Variants in STON2 observed in about 807,000 individuals in gnomAD.
The protein encoded by STON2 is stonin 2.
In STON2, 29 loss-of-function variants were observed where a neutral mutation model predicts 65.7. The observed-to-expected ratio is 0.44, with a 90% CI of 0.33 to 0.60. The LOEUF (loss-of-function observed/expected upper bound fraction) is 0.60, where lower values mean the gene tolerates loss of function less well. Ranked by LOEUF, STON2 falls within the 20% of genes least tolerant of loss-of-function variation. STON2 has a pLI of 0.03. For synonymous variants in STON2, 404 were observed against 414.2 expected (o/e 0.98, Z 0.30); for missense variants, 1,054 against 1,118.1 (o/e 0.94, Z 0.82).
intron 4 of STON2, among the ~76,000 whole-genome samples, chr14:81,333,934 G>A (rs114214225): frequency 0.013 from 1,939 of 152,202 alleles, 38 homozygotes; most frequent in African/African-American, 0.044. Flanking sequence ...TTCTGAAACC[G>A]CCTCCATTTC....
intron 3 of STON2, among the ~76,000 whole-genome samples, chr14:81,382,723 T>C (rs2140399725): frequency 6.6e-6 from 1 of 152,294 alleles, no homozygotes; most frequent in African/African-American, 2.4e-5. Flanking sequence ...GTAATAAAAC[T>C]TATTAAAACC....
intron 5 of STON2, among the ~76,000 whole-genome samples, chr14:81,309,959 T>C (rs912125336): frequency 6.6e-6 from 1 of 152,196 alleles, no homozygotes; most frequent in African/African-American, 2.4e-5. Context: ...AGATCATATA[T>C]GCAGGACTCT....
chr14:81,290,085 G>C (rs1895495859), intron 5 of STON2, among the ~76,000 whole-genome samples: 1 of 152,174 alleles, frequency 6.6e-6, no homozygotes, highest in African/African-American at 2.4e-5. Context: ...CACTGCTGCA[G>C]AGCTGGTCCT....
intron 5 of STON2, among the ~76,000 whole-genome samples, chr14:81,323,134 A>G (rs1896879329): frequency 6.6e-6 from 1 of 152,254 alleles, no homozygotes; most frequent in South Asian, 2.1e-4. Context: ...GGACTAGGCC[A>G]AGAACAGAGG....
At position 81,264,545 on chromosome 14, in the gene STON2, A is replaced by G; in HGVS notation, c.*3869T>C. 2 of 984,470 alleles carry G rather than the reference A, an allele frequency of 2.0e-6. No homozygotes were observed. Among genetic ancestry groups the G allele is most frequent in the Non-Finnish European group, 2.4e-6 (2 of 829,044 alleles). The allele number at this position is 984,470 out of a possible 1,614,324, so 61.0% of individuals were successfully genotyped here. A position where few individuals can be genotyped will look rare whatever the true frequency, so the allele number is the denominator to read the frequency against. On this transcript the variant is annotated 3_prime_UTR_variant, in exon 8 of 8. Transcript: ENST00000614646. ...CTAGGTGTTGGAAACACAAAAAATT[A>G]TATATAGTCCTTGCCTTCATGGATC...
At chr14:81,343,700 A>G (rs763802760) in intron 4 of STON2, among the ~76,000 whole-genome samples, 1 of 152,192 alleles carries the variant, frequency 6.6e-6, no homozygotes, top group Non-Finnish European at 1.5e-5. Context: ...TTAAAATATA[A>G]GGCATTCTGA....
In STON2 at chr14:81,266,000, G is replaced by A. The variant is rs1595261185; in HGVS notation, c.*2414C>T. 3 of 985,386 alleles carry A rather than the reference G, an allele frequency of 3.0e-6. No homozygotes were observed. The allele number at this position is 985,386 out of a possible 1,614,324, so 61.0% of individuals were successfully genotyped here. A position where few individuals can be genotyped will look rare whatever the true frequency, so the allele number is the denominator to read the frequency against. On this transcript the variant is annotated 3_prime_UTR_variant, in exon 8 of 8. Coordinates refer to ENST00000614646, the MANE Select transcript of STON2 (RefSeq NM_001394390.1). ...ATCTCAAAAGCCTTCAGTACAACAG[G>A]GGAAGAGATATGCGTTGAAATTCCT...
chr14:81,427,380 G>A (rs1449643157), intron 1 of STON2: 1 of 152,218 alleles, frequency 6.6e-6, no homozygotes, highest in Non-Finnish European at 1.5e-5. Context: ...CTGGGCCCAG[G>A]AGCACTGTGC....
rs149449251 is a variant in STON2, at chr14:81,322,938, C to CA, written c.742+1078dup. Reference sequence around the variant, plus strand: ...ATATTCAGAGTCATCTGGCATAGGTCAAACCTTCACAGGTGTCATGGCAGT... The same window carrying CA: ...ATATTCAGAGTCATCTGGCATAGGTCAAAACCTTCACAGGTGTCATGGCAGT... On this transcript the variant is annotated intron_variant, in intron 5 of 7. Transcript: ENST00000614646. Among the ~76,000 whole-genome samples, 759 of 152,340 alleles carry CA rather than the reference C, an allele frequency of 5.0e-3. 4 individuals carry two copies. Among genetic ancestry groups the CA allele is most frequent in the African/African-American group, 0.017 (708 of 41,590 alleles).
chr14:81,349,915 T>A (rs933615546), intron 4 of STON2, among the ~76,000 whole-genome samples: 6 of 152,134 alleles, frequency 3.9e-5, no homozygotes, highest in African/African-American at 1.4e-4. Context: ...AAGGAAATCC[T>A]GTCATTTGCA....
chr14:81,275,214 T>C (rs189844434), intron 6 of STON2, among the ~76,000 whole-genome samples: 21 of 152,284 alleles, frequency 1.4e-4, no homozygotes, highest in Admixed American at 1.0e-3. Flanking sequence ...ATAGATACGT[T>C]TGTACATACT....
At chr14:81,416,513 G>A (rs1454710058) in intron 2 of STON2, among the ~76,000 whole-genome samples, 1 of 152,184 alleles carries the variant, frequency 6.6e-6, no homozygotes, top group Non-Finnish European at 1.5e-5. Context: ...TCAACACAGT[G>A]GACAACTTCA....
chr14:81,278,242 C>G lies in STON2; in HGVS notation c.1240G>C (p.Asp414His). The change falls in exon 6 of 8, where the codon GAT (aspartate) becomes CAT (histidine). Residue 414 changes from aspartate (D) to histidine (H), a missense_variant. Asp to His is a moderately conservative substitution (Grantham distance 81). Transcript: ENST00000614646. ...ISSTTGKSQR[D>H]SLIVIYQDAI... ...TCCTGGTAGATGACAATGAGGGAAT[C>G]TCTTTGGCTTTTGCCCGTGGTACTG... The G allele has an allele frequency of 6.2e-7, 1 of 1,614,140 alleles. No individual in the cohort carries two copies. The highest frequency in any genetic ancestry group is 8.5e-7 in the Non-Finnish European group (1 of 1,180,024).
At position 81,270,417 on chromosome 14, in the gene STON2, T is replaced by C. The variant is rs535859254; in HGVS notation, c.2784+253A>G. ...TTCTTTTTGTTGTCATTGCTCATAA[T>C]GACAGAAAGACATTATATTCTCCTC... is the stretch of plus-strand genomic sequence containing the variant. On this transcript the variant is annotated intron_variant, in intron 7 of 7. Coordinates refer to ENST00000614646, the MANE Select transcript of STON2 (RefSeq NM_001394390.1). 5.7e-6 allele frequency: 8 copies of C among 1,409,436 alleles called. No homozygotes were observed. In the South Asian group the frequency reaches 1.0e-4, roughly 18 times the overall value. The allele number at this position is 1,409,436 out of a possible 1,614,324, so 87.3% of individuals were successfully genotyped here. A position where few individuals can be genotyped will look rare whatever the true frequency, so the allele number is the denominator to read the frequency against.
chr14:81,389,183 G>A (rs1357330486), intron 3 of STON2, among the ~76,000 whole-genome samples: 2 of 152,168 alleles, frequency 1.3e-5, no homozygotes, highest in Non-Finnish European at 2.9e-5. Context: ...ATTATATATA[G>A]GAAAGAGTCA....
upstream of STON2, among the ~76,000 whole-genome samples, chr14:81,402,709 C>T (rs1016953214): frequency 6.6e-6 from 1 of 152,184 alleles, no homozygotes; most frequent in African/African-American, 2.4e-5. Flanking sequence ...AGCTTACCCT[C>T]TCCAATCCCA....
Position 81,277,412 on chromosome 14 carries a change from G to A in STON2, c.2070C>T (p.Pro690=), listed in dbSNP as rs1391423332. The change falls in exon 6 of 8, where the codon CCC becomes CCT. Residue 690 remains proline (P), a synonymous_variant. Coordinates refer to ENST00000614646, the MANE Select transcript of STON2 (RefSeq NM_001394390.1). ...GCTTGATCCACTTTGTGGTGGTGGT[G>A]GGCATGATGTCCTGCCTCAAAACTA... ...NEIVLRQDIM[P]TTTTKWIKLH... The A allele has an allele frequency of 1.9e-6, 3 of 1,614,026 alleles. No individual in the cohort carries two copies. Among genetic ancestry groups the A allele is most frequent in the Admixed American group, 1.7e-5 (1 of 59,994 alleles).
chr14:81,273,412 GT>G (rs1421821319), intron 6 of STON2, among the ~76,000 whole-genome samples: 1 of 152,238 alleles, frequency 6.6e-6, no homozygotes, highest in Non-Finnish European at 1.5e-5. Flanking sequence ...TATTGGGACT[GT>G]TTTCCCTTCA....
At chr14:81,390,193 CAAAAAAAAAA>C (rs759154677) in intron 3 of STON2, among the ~76,000 whole-genome samples, 2 of 88,370 alleles carry the variant, frequency 2.3e-5, no homozygotes, top group African/African-American at 8.7e-5. Context: ...GACTCCATTT[CAAAAAAAAAA>C]AAAAAGAAAA....
Sources: allele counts gnomAD v4.1 joint callset (sites outside exome capture counted in the v4.1 genomes callset), GRCh38; gene constraint gnomAD v4.1.1; transcripts MANE v1.5; gene names NCBI Gene and HGNC (gene_info 2026-07-23, HGNC 2026-07-21).